CFAP161: variants seen among roughly 807,000 people sequenced by gnomAD.
CFAP161 encodes the protein cilia- and flagella-associated protein 161.
Under a neutral mutation model 29.0 loss-of-function variants are expected in CFAP161, and 25 were observed. The ratio of observed to expected loss-of-function variants is 0.86; its 90% CI spans 0.63 to 1.20. The LOEUF (loss-of-function observed/expected upper bound fraction) is 1.20, where lower values mean the gene tolerates loss of function less well. Among genes scored for constraint, CFAP161 ranks in the 50% most tolerant of loss-of-function variants. The probability of loss-of-function intolerance (pLI) is 0.00; values close to 1 mark genes in which losing one functional copy is unlikely to be tolerated. For synonymous variants in CFAP161, 116 were observed against 137.4 expected, an observed-to-expected ratio of 0.84 and a Z score of 1.09; for missense variants, 367 against 371.9, an observed-to-expected ratio of 0.99 and a Z score of 0.11.
chr15:81,118,416 A>C lies in CFAP161; in HGVS notation c.-141-9174A>C, dbSNP rs76939470. The stretch of plus-strand genomic sequence containing the variant: ...TAAACCTGATGGACGAATTCCCACA[A>C]GTTCGCGGCTTGTTAACCACAGCCA... On this transcript the variant is annotated intron_variant, in intron 1 of 4. Transcript: ENST00000560091. 40 of 209,300 alleles carry C rather than the reference A, an allele frequency of 1.9e-4. 1 individual carries two copies. In the East Asian group the frequency reaches 6.0e-3, roughly 31 times the overall value. 13.0% of individuals were successfully genotyped at this position (209,300 alleles called of 1,614,324 possible). A position where few individuals can be genotyped will look rare whatever the true frequency, so the allele number is the denominator to read the frequency against.
chr15:81,144,520 C>T (rs1894973154), intron 5 of CFAP161, among the ~76,000 whole-genome samples: 1 of 152,104 alleles, frequency 6.6e-6, no homozygotes, highest in Non-Finnish European at 1.5e-5. Context: ...CTTTTGTACC[C>T]AGGAGACAGA....
chr15:81,118,073 G>T lies in CFAP161; in HGVS notation c.-141-9517G>T, dbSNP rs545538677. The T allele has an allele frequency of 2.9e-4, 151 of 524,340 alleles. 1 individual carries two copies. Among genetic ancestry groups the T allele is most frequent in the South Asian group, 2.9e-3 (146 of 50,886 alleles). 32.5% of individuals were successfully genotyped at this position (524,340 alleles called of 1,614,324 possible). A position where few individuals can be genotyped will look rare whatever the true frequency, so the allele number is the denominator to read the frequency against. ...TTTAGACATTCCAACTTTTTCAAAGGTTCCAAGGTGCTGATATCTTTCAGT... is the reference window on the plus strand; with the variant it reads ...TTTAGACATTCCAACTTTTTCAAAGTTTCCAAGGTGCTGATATCTTTCAGT... On this transcript the variant is annotated intron_variant, in intron 1 of 4. Transcript: ENST00000560091.
At chr15:81,102,559 T>G (rs1339493259) in intron 1 of CFAP161, among the ~76,000 whole-genome samples, 1 of 152,094 alleles carries the variant, frequency 6.6e-6, no homozygotes, top group Non-Finnish European at 1.5e-5. Context: ...TTTCAGCTAC[T>G]TCAGAGGCAG....
At chr15:81,135,959 A>G (rs1188264598) in intron 2 of CFAP161, among the ~76,000 whole-genome samples, 1 of 152,216 alleles carries the variant, frequency 6.6e-6, no homozygotes, top group Non-Finnish European at 1.5e-5. Flanking sequence ...ATGCTGCTAT[A>G]AAGACACATG....
chr15:81,111,294 G>A (rs1327794912), intron 1 of CFAP161, among the ~76,000 whole-genome samples: 1 of 152,244 alleles, frequency 6.6e-6, no homozygotes, highest in Non-Finnish European at 1.5e-5. Context: ...TTGACGCACA[G>A]TGAATTTTGG....
upstream of CFAP161, among the ~76,000 whole-genome samples, chr15:81,133,206 TATATATATATATATATATGTA>T (rs1321270651): frequency 0.013 from 886 of 68,714 alleles, 45 homozygotes; most frequent in African/African-American, 0.025. Context: ...TATATATATA[TATATATATATATATATATGTA>T]TTTTTTTTTA....
upstream of CFAP161, among the ~76,000 whole-genome samples, chr15:81,133,771 C>T (rs1316617912): frequency 6.6e-6 from 1 of 152,112 alleles, no homozygotes; most frequent in Non-Finnish European, 1.5e-5. Flanking sequence ...CAGAAATATA[C>T]TAACATGGTA....
chr15:81,136,250 G>A (rs1391883520), intron 2 of CFAP161, among the ~76,000 whole-genome samples: 1 of 152,158 alleles, frequency 6.6e-6, no homozygotes, highest in Non-Finnish European at 1.5e-5. Flanking sequence ...GTTGGTAATC[G>A]ACAAATTTTT....
intron 1 of CFAP161, among the ~76,000 whole-genome samples, chr15:81,120,547 C>T (rs1442116863): frequency 1.3e-5 from 2 of 152,190 alleles, no homozygotes; most frequent in African/African-American, 4.8e-5. Context: ...GTCGGAGGAT[C>T]ACTTGAGGCC....
intron 1 of CFAP161, among the ~76,000 whole-genome samples, chr15:81,120,472 A>G (rs1300151305): frequency 6.6e-6 from 1 of 152,222 alleles, no homozygotes; most frequent in African/African-American, 2.4e-5. Context: ...ACTGAAAAAA[A>G]TGTTACAGCC....
intron 1 of CFAP161, among the ~76,000 whole-genome samples, chr15:81,100,590 T>C (rs1894291744): frequency 6.6e-6 from 1 of 152,186 alleles, no homozygotes; most frequent in Non-Finnish European, 1.5e-5. Context: ...ATAATAGGCA[T>C]CTTCCTTTAT....
chr15:81,134,458 A>C, intron 1 of CFAP161, 60 bp downstream of exon 1: 11 of 1,523,534 alleles, frequency 7.2e-6, no homozygotes, highest in Non-Finnish European at 9.8e-6. Flanking sequence ...CCCTGCTCTA[A>C]GTTCAGTCTC....
intron 1 of CFAP161, among the ~76,000 whole-genome samples, chr15:81,107,301 TGA>T (rs1169065717): frequency 6.6e-6 from 1 of 152,190 alleles, no homozygotes; most frequent in Admixed American, 6.5e-5. Flanking sequence ...ATAACGTGAG[TGA>T]GGTTATTTCT....
intron 2 of CFAP161, 95 bp downstream of exon 2, chr15:81,135,454 T>C (rs762055253): frequency 5.5e-5 from 39 of 711,006 alleles, no homozygotes; most frequent in Non-Finnish European, 7.9e-5. Flanking sequence ...TATGTTGGTG[T>C]GCTGCACCCA....
chr15:81,145,879 G>A (rs958144361), intron 5 of CFAP161, among the ~76,000 whole-genome samples: 5 of 152,160 alleles, frequency 3.3e-5, no homozygotes, highest in Admixed American at 3.3e-4. Context: ...GAGAAGTGAG[G>A]CTTTGCTCTG....
chr15:81,144,835 A>G, intron 5 of CFAP161, among the ~76,000 whole-genome samples: 1 of 151,666 alleles, frequency 6.6e-6, no homozygotes, highest in African/African-American at 2.4e-5. Flanking sequence ...TGGAGAAGCC[A>G]AGGAGACAGC....
intron 1 of CFAP161, among the ~76,000 whole-genome samples, chr15:81,105,995 C>T (rs906173706): frequency 1.3e-5 from 2 of 152,158 alleles, no homozygotes; most frequent in Non-Finnish European, 2.9e-5. Flanking sequence ...CTTTATGGGG[C>T]TTACACTAGT....
rs529831473 is a variant in CFAP161, at chr15:81,148,657, A to C, written c.*124A>C. On this transcript the variant is annotated 3_prime_UTR_variant, in exon 7 of 7. Transcript: ENST00000286732. ...TCAGATGTGGGACTCTCTGGGCACT[A>C]TATTAAAATAAAGATTACATTAAGA... 3 of 814,650 alleles carry C rather than the reference A, an allele frequency of 3.7e-6. No homozygotes were observed. In the East Asian group the frequency reaches 8.4e-5, roughly 23 times the overall value. The allele number at this position is 814,650 out of a possible 1,614,324, so 50.5% of individuals were successfully genotyped here.
Position 81,144,012 on chromosome 15 carries a change from C to CT in CFAP161, c.636+199dup, listed in dbSNP as rs536230983. On this transcript the variant is annotated intron_variant, in intron 5 of 6. Transcript: ENST00000286732. ...ATGACTTTCTCTTTCTTTTCTGTCT[C>CT]TTTTTTTCCATTTATAACACACAGA... Among the ~76,000 whole-genome samples the CT allele has an allele frequency of 4.2e-4, 63 of 151,348 alleles. 1 individual carries two copies. The highest frequency in any genetic ancestry group is 1.4e-3 in the African/African-American group (56 of 41,238).
Sources: gnomAD v4.1 joint callset for allele counts (sites outside exome capture counted in the v4.1 genomes callset) on GRCh38, gnomAD v4.1.1 for gene constraint, MANE v1.5 for transcripts, NCBI Gene and HGNC (gene_info 2026-07-23, HGNC 2026-07-21) for gene names.